GUCY2C: variants seen among roughly 807,000 people sequenced by gnomAD.
GUCY2C encodes the protein guanylyl cyclase C.
A neutral mutation model predicts 131.1 loss-of-function variants in GUCY2C; 118 were observed. The ratio of observed to expected loss-of-function variants is 0.90; its 90% CI spans 0.78 to 1.05. GUCY2C has a LOEUF of 1.05. Among genes scored for constraint, GUCY2C ranks in the 50% least tolerant of loss-of-function variants. The pLI is 0.00. For synonymous variants in GUCY2C, 452 were observed against 457.8 expected (o/e 0.99, Z 0.16); for missense variants, 1,161 against 1,304.4 (o/e 0.89, Z 1.69).
At chr12:14,642,819 C>A (rs1295261022) in intron 17 of GUCY2C, among the ~76,000 whole-genome samples, 1 of 152,080 alleles carries the variant, frequency 6.6e-6, no homozygotes, top group East Asian at 1.9e-4. Context: ...TCATATTATG[C>A]TTGAAATGGC....
intron 1 of GUCY2C, among the ~76,000 whole-genome samples, chr12:14,690,600 G>A (rs933287634): frequency 6.6e-6 from 1 of 151,844 alleles, no homozygotes; most frequent in Non-Finnish European, 1.5e-5. Context: ...GGAGTGCAGT[G>A]GCGCGATCTC....
rs528903021 is a variant in GUCY2C at position 14,657,629 on chromosome 12, C to G, written c.1365-1012G>C. Among the ~76,000 whole-genome samples, 3 of 152,212 alleles carry G rather than the reference C, an allele frequency of 2.0e-5. No homozygotes were observed. In the East Asian group the frequency reaches 5.8e-4, roughly 29 times the overall value. On this transcript the variant is annotated intron_variant, in intron 11 of 26. Transcript: ENST00000261170. The stretch of plus-strand genomic sequence containing the variant: ...GTCACATCAGTGGTGGCGTTAGATT[C>G]TCACAGGACCGCGAACCCTATTGAG...
chr12:14,653,463 G>A (rs1947705810), intron 12 of GUCY2C, among the ~76,000 whole-genome samples: 1 of 152,214 alleles, frequency 6.6e-6, no homozygotes, highest in Non-Finnish European at 1.5e-5. Flanking sequence ...TCAGCTCTGG[G>A]TTCAGCCCGA....
rs1278595665 is a variant in GUCY2C at position 14,666,718 on chromosome 12, CAGCCAGACAATG to C, written c.1282+2992_1282+3003del. Among the ~76,000 whole-genome samples the C allele has an allele frequency of 4.2e-3, 561 of 132,206 alleles. 8 individuals are homozygous for C. Among genetic ancestry groups the C allele is most frequent in the African/African-American group, 0.015 (529 of 34,474 alleles). 86.7% of individuals were successfully genotyped at this position (132,206 alleles called of 152,430 possible). On this transcript the variant is annotated intron_variant, in intron 10 of 26. Transcript: ENST00000261170. ...CCACTGTACTCCAGCCTGGGTGATA[CAGCCAGACAATG>C]TCTCCAAAAAAAAAAAAAAAGAGTA...
chr12:14,683,018 T>G (rs764384461), intron 4 of GUCY2C, 24 bp downstream of exon 4: 4 of 1,519,876 alleles, frequency 2.6e-6, no homozygotes, highest in Middle Eastern at 1.7e-4. Flanking sequence ...CAAGTGCTAG[T>G]GAAATATTAA....
intron 10 of GUCY2C, among the ~76,000 whole-genome samples, chr12:14,669,024 A>G (rs1187646230): frequency 6.6e-6 from 1 of 152,108 alleles, no homozygotes; most frequent in Non-Finnish European, 1.5e-5. Context: ...TGAAATACAC[A>G]ACCTTTTAGC....
chr12:14,667,100 G>A (rs1947997564), intron 10 of GUCY2C, among the ~76,000 whole-genome samples: 1 of 152,070 alleles, frequency 6.6e-6, no homozygotes, highest in African/African-American at 2.4e-5. Context: ...AGTACTTTTT[G>A]AGAAGTTCAG....
rs112281205 is a variant in GUCY2C at position 14,621,464 on chromosome 12, T to C, written c.2602-248A>G. 3.4e-3 allele frequency among the ~76,000 whole-genome samples: 521 copies of C among 152,300 alleles called. 4 individuals are homozygous for C. Among genetic ancestry groups the C allele is most frequent in the African/African-American group, 0.012 (494 of 41,564 alleles). On this transcript the variant is annotated intron_variant, in intron 22 of 26. Coordinates refer to ENST00000261170, the MANE Select transcript of GUCY2C (RefSeq NM_004963.4). The stretch of plus-strand genomic sequence containing the variant: ...GCCATTTAAAAGTACTTCATAATTA[T>C]ATAAATTGTCCAGATGTGGTGACAG...
intron 10 of GUCY2C, among the ~76,000 whole-genome samples, chr12:14,663,804 A>C (rs1248340777): frequency 6.6e-6 from 1 of 152,212 alleles, no homozygotes; most frequent in Non-Finnish European, 1.5e-5. Flanking sequence ...AGTATCAATA[A>C]AAATGGCTAA....
intron 19 of GUCY2C, among the ~76,000 whole-genome samples, chr12:14,636,255 G>A (rs1015191316): frequency 6.6e-6 from 1 of 151,920 alleles, no homozygotes. Context: ...AAGATAATAC[G>A]CCATGATCAA....
chr12:14,670,057 C>T (rs368590400), intron 9 of GUCY2C, among the ~76,000 whole-genome samples: 1 of 152,186 alleles, frequency 6.6e-6, no homozygotes, highest in African/African-American at 2.4e-5. Context: ...TATGCTCATA[C>T]ACTACACCAT....
In GUCY2C at chr12:14,621,214, C is replaced by T. The variant is rs148469869; in HGVS notation, c.2604G>A (p.Val868=). 5.4e-4 allele frequency: 867 copies of T among 1,609,802 alleles called. 12 individuals are homozygous for T. Among genetic ancestry groups the T allele is most frequent in the Admixed American group, 2.2e-4 (13 of 59,910 alleles). ...HIVDHHDVYK[V]ETIGDAYMVA... is the part of the protein sequence containing the mutation. ...CCATGTACGCATCACCGATGGTTTC[C>T]ACCTGTGGAAACAGTTTCTCATGAG... The change falls in exon 23 of 27, where the codon GTG becomes GTA. Residue 868 remains valine (V), a splice_region_variant and synonymous_variant. Coordinates refer to ENST00000261170, the MANE Select transcript of GUCY2C (RefSeq NM_004963.4).
intron 1 of GUCY2C, among the ~76,000 whole-genome samples, chr12:14,691,368 CTAAGCCCCA>C (rs1354555828): frequency 6.6e-6 from 1 of 152,154 alleles, no homozygotes; most frequent in African/African-American, 2.4e-5. Context: ...AGCTTCAGTA[CTAAGCCCCA>C]TATGCCTTTT....
chr12:14,631,434 A>G (rs1195356457), intron 19 of GUCY2C, among the ~76,000 whole-genome samples: 1 of 137,642 alleles, frequency 7.3e-6, no homozygotes, highest in African/African-American at 2.8e-5. Context: ...TCCTGTGTCC[A>G]TGTGTTCTCA....
rs1312535760 is a variant in GUCY2C, at chr12:14,669,705, C to G, written c.1282+17G>C. On this transcript the variant is annotated intron_variant, in intron 10 of 26. Coordinates refer to ENST00000261170, the MANE Select transcript of GUCY2C (RefSeq NM_004963.4). Reference sequence around the variant, plus strand: ...AAAACAGTGTCAGGGAGAGAAAATTCATTAGGGATATCTTACCCCGGCCTG... The same window carrying G: ...AAAACAGTGTCAGGGAGAGAAAATTGATTAGGGATATCTTACCCCGGCCTG... The G allele has an allele frequency of 1.6e-6, 2 of 1,239,526 alleles. No individual in the cohort carries two copies. Among genetic ancestry groups the G allele is most frequent in the African/African-American group, 3.0e-5 (2 of 66,306 alleles). 76.8% of individuals were successfully genotyped at this position (1,239,526 alleles called of 1,614,324 possible). A position where few individuals can be genotyped will look rare whatever the true frequency, so the allele number is the denominator to read the frequency against.
chr12:14,657,811 G>A (rs1947792229), intron 11 of GUCY2C, among the ~76,000 whole-genome samples: 1 of 152,190 alleles, frequency 6.6e-6, no homozygotes, highest in African/African-American at 2.4e-5. Context: ...AAAAGGTCGG[G>A]GACTGCTGGT....
chr12:14,660,373 A>C (rs982980779), intron 11 of GUCY2C, among the ~76,000 whole-genome samples: 1 of 152,184 alleles, frequency 6.6e-6, no homozygotes, highest in African/African-American at 2.4e-5. Context: ...GGCAGACCCA[A>C]GTTGAGCAGA....
chr12:14,661,741 T>C (rs1412345879), intron 10 of GUCY2C, among the ~76,000 whole-genome samples: 1 of 152,192 alleles, frequency 6.6e-6, no homozygotes, highest in African/African-American at 2.4e-5. Flanking sequence ...CTAAGACAAC[T>C]TGTTTTTAAA....
intron 9 of GUCY2C, among the ~76,000 whole-genome samples, chr12:14,670,934 G>T (rs1020711462): frequency 3.0e-4 from 45 of 151,604 alleles, no homozygotes; most frequent in African/African-American, 1.1e-3. Flanking sequence ...TTACATGGTG[G>T]CAGCAAGAGA....
Sources: gnomAD v4.1 joint callset for allele counts (sites outside exome capture counted in the v4.1 genomes callset) on GRCh38, gnomAD v4.1.1 for gene constraint, MANE v1.5 for transcripts, NCBI Gene and HGNC (gene_info 2026-07-23, HGNC 2026-07-21) for gene names.